The following DCP1A variants were observed in gnomAD, a reference collection of about 807,000 sequenced individuals.
DCP1A encodes the protein decapping mRNA 1A.
Under a neutral mutation model 58.0 loss-of-function variants are expected in DCP1A, and 20 were observed. The observed-to-expected ratio is 0.34, with a 90% CI of 0.24 to 0.50. The LOEUF (loss-of-function observed/expected upper bound fraction) is 0.50. DCP1A is among the 20% of genes least tolerant of loss of function. The pLI is 0.98. For missense variants in DCP1A, 613 were observed against 712.2 expected (o/e 0.86, Z 1.59); for synonymous variants, 285 against 275.1 (o/e 1.04, Z -0.36).
intron 3 of DCP1A, among the ~76,000 whole-genome samples, chr3:53,334,718 T>C (rs1389582697): frequency 1.3e-5 from 2 of 152,172 alleles, no homozygotes; most frequent in African/African-American, 4.8e-5. Context: ...TGTGGAGCGT[T>C]TGGCTGTAAG....
chr3:53,318,450 G>C (rs368147955), intron 4 of DCP1A, among the ~76,000 whole-genome samples: 1 of 152,124 alleles, frequency 6.6e-6, no homozygotes, highest in Non-Finnish European at 1.5e-5. Context: ...ATGGTGGAGG[G>C]GGGAGAGAGG....
At chr3:53,340,141 TCTCAAACTCCTGGG>T (rs1559707966) in intron 3 of DCP1A, among the ~76,000 whole-genome samples, 1 of 152,264 alleles carries the variant, frequency 6.6e-6, no homozygotes, top group East Asian at 1.9e-4. Context: ...CCCAGGCTGG[TCTCAAACTCCTGGG>T]CTCAAGCAAT....
intron 3 of DCP1A, among the ~76,000 whole-genome samples, chr3:53,341,752 T>G (rs538136582): frequency 1.3e-4 from 20 of 152,204 alleles, no homozygotes; most frequent in Non-Finnish European, 2.4e-4. Context: ...TTGCCCAGGC[T>G]GGAGTACAGT....
At chr3:53,320,175 A>G (rs143633608) in intron 3 of DCP1A, among the ~76,000 whole-genome samples, 66 of 152,120 alleles carry the variant, frequency 4.3e-4, no homozygotes, top group Middle Eastern at 6.8e-3. Context: ...AGCTTTCAAA[A>G]CAAACCCCAG....
At chr3:53,290,944 G>C in intron 7 of DCP1A, 88 bp from the exon 8 acceptor site, 1 of 1,182,918 alleles carries the variant, frequency 8.5e-7, no homozygotes, top group Non-Finnish European at 1.2e-6. Context: ...GACTTTCCCA[G>C]TGGAAAATCT....
intron 3 of DCP1A, among the ~76,000 whole-genome samples, chr3:53,335,563 G>A (rs62257007): frequency 0.16 from 25,007 of 152,076 alleles, 2,543 homozygotes; most frequent in Middle Eastern, 0.28. Context: ...CTACAAATCT[G>A]CTTTATCATT....
chr3:53,303,568 G>A (rs1330578528), intron 6 of DCP1A, among the ~76,000 whole-genome samples: 2 of 152,182 alleles, frequency 1.3e-5, no homozygotes, highest in South Asian at 2.1e-4. Flanking sequence ...GCCTAGCCAA[G>A]GGTTATTTTA....
chr3:53,335,884 G>A (rs2106885963), intron 3 of DCP1A, among the ~76,000 whole-genome samples: 1 of 152,130 alleles, frequency 6.6e-6, no homozygotes, highest in South Asian at 2.1e-4. Context: ...GAGCGCAGTG[G>A]CGTGATCATG....
chr3:53,307,420 C>T (rs1488899586), intron 5 of DCP1A, among the ~76,000 whole-genome samples: 2 of 152,194 alleles, frequency 1.3e-5, no homozygotes, highest in African/African-American at 4.8e-5. Flanking sequence ...GTAAATGACC[C>T]TTTACATACG....
rs1378481910 is a variant in DCP1A at position 53,315,555 on chromosome 3, A to G, written c.372-3176T>C. On this transcript the variant is annotated intron_variant, in intron 4 of 9. Transcript: ENST00000610213. ...GTCTCAAAAAAAAAAAAAAAAAAAA[A>G]AAGAGTTTCTGGCAGACTGGATTTC... is the stretch of plus-strand genomic sequence containing the variant. Among the ~76,000 whole-genome samples the G allele has an allele frequency of 2.0e-5, 3 of 150,806 alleles. No homozygotes were observed. The South Asian group carries it at 6.3e-4, about 31-fold the overall frequency.
At chr3:53,329,561 T>C (rs1292477653) in intron 3 of DCP1A, 6 of 389,306 alleles carry the variant, frequency 1.5e-5, no homozygotes, top group Non-Finnish European at 2.7e-5. Context: ...CTAGTAGATA[T>C]ATGACATTAA....
chr3:53,299,099 T>C (rs1553687117), intron 6 of DCP1A, among the ~76,000 whole-genome samples: 1 of 152,238 alleles, frequency 6.6e-6, no homozygotes, highest in East Asian at 1.9e-4. Flanking sequence ...TCAGAAAGTA[T>C]TCCCATTGTT....
At chr3:53,306,257 G>C (rs1253977080) in intron 5 of DCP1A, among the ~76,000 whole-genome samples, 5 of 152,212 alleles carry the variant, frequency 3.3e-5, no homozygotes, top group Admixed American at 2.6e-4. Flanking sequence ...CGGAACATTT[G>C]GTGAAAGCCT....
intron 6 of DCP1A, among the ~76,000 whole-genome samples, chr3:53,301,132 A>G (rs782448269): frequency 2.0e-5 from 3 of 152,232 alleles, no homozygotes; most frequent in Admixed American, 6.5e-5. Context: ...CTAAATCCAG[A>G]TACAGTAAAA....
At chr3:53,342,302 T>C in intron 2 of DCP1A, 31 bp from the exon 3 acceptor site, 3 of 1,485,932 alleles carry the variant, frequency 2.0e-6, no homozygotes, top group African/African-American at 2.8e-5. Context: ...AAAAAATATG[T>C]AGTTACCATT....
intron 6 of DCP1A, among the ~76,000 whole-genome samples, chr3:53,297,385 T>C (rs1478042862): frequency 6.6e-6 from 1 of 151,226 alleles, no homozygotes; most frequent in Non-Finnish European, 1.5e-5. Flanking sequence ...ATTTTTGAGA[T>C]GGAGTCTTGC....
chr3:53,306,019 C>T (rs1707459757), intron 5 of DCP1A, among the ~76,000 whole-genome samples: 1 of 152,114 alleles, frequency 6.6e-6, no homozygotes, highest in African/African-American at 2.4e-5. Context: ...AAAACCGACA[C>T]CAAAAACAGT....
At chr3:53,339,920 C>CT (rs1436612946) in intron 3 of DCP1A, among the ~76,000 whole-genome samples, 1 of 152,074 alleles carries the variant, frequency 6.6e-6, no homozygotes, top group African/African-American at 2.4e-5. Flanking sequence ...AGAATTTCTC[C>CT]CACCCTCTTT....
chr3:53,317,340 T>A (rs538940400), intron 4 of DCP1A, among the ~76,000 whole-genome samples: 44 of 152,242 alleles, frequency 2.9e-4, no homozygotes, highest in African/African-American at 1.0e-3. Flanking sequence ...TAATTTTGTG[T>A]TTTTAGTACA....
Sources: gnomAD v4.1 joint callset for allele counts (sites outside exome capture counted in the v4.1 genomes callset) on GRCh38, gnomAD v4.1.1 for gene constraint, MANE v1.5 for transcripts, NCBI Gene and HGNC (gene_info 2026-07-23, HGNC 2026-07-21) for gene names.